The following FUBP3 variants were observed in gnomAD, a reference collection of about 807,000 sequenced individuals.
FUBP3 encodes far upstream element binding protein 3.
FUBP3 carries 28 observed loss-of-function variants against 85.6 expected under a neutral mutation model. The ratio of observed to expected loss-of-function variants is 0.33; its 90% CI spans 0.24 to 0.45. The LOEUF (loss-of-function observed/expected upper bound fraction) is 0.45, where lower values mean the gene tolerates loss of function less well. Among genes scored for constraint, FUBP3 ranks in the 20% least tolerant of loss-of-function variants. The pLI, the probability that FUBP3 is intolerant of heterozygous loss-of-function variation, is 1.00. For synonymous variants in FUBP3, 271 were observed against 271.4 expected, an observed-to-expected ratio of 1.00 and a Z score of 0.01; for missense variants, 583 against 755.1, an observed-to-expected ratio of 0.77 and a Z score of 2.67.
chr9:130,586,183 A>G (rs1280925111), intron 1 of FUBP3, among the ~76,000 whole-genome samples: 1 of 152,136 alleles, frequency 6.6e-6, no homozygotes, highest in East Asian at 1.9e-4. Context: ...CCAGATGGTT[A>G]CAAATCACTT....
chr9:130,586,544 C>G (rs181386850), intron 1 of FUBP3, among the ~76,000 whole-genome samples: 1 of 151,990 alleles, frequency 6.6e-6, no homozygotes, highest in African/African-American at 2.4e-5. Flanking sequence ...TGCCACCACA[C>G]CCAGCTAATA....
Position 130,612,405 on chromosome 9 carries a change from C to G in FUBP3, c.225-51C>G. The G allele has an allele frequency of 8.4e-7, 1 of 1,191,128 alleles. No individual in the cohort carries two copies. Among genetic ancestry groups the G allele is most frequent in the Non-Finnish European group, 1.2e-6 (1 of 805,074 alleles). The allele number at this position is 1,191,128 out of a possible 1,614,324, so 73.8% of individuals were successfully genotyped here. ...TGGGCAGTTTGGGGACCTAAAATGG[C>G]TGCAAAAGTCTGTATTCTGTATTTT... On this transcript the variant is annotated intron_variant, in intron 3 of 18. Coordinates refer to ENST00000319725, the MANE Select transcript of FUBP3 (RefSeq NM_003934.2). This position sits in a 1 kb window ranked among gnomAD's most constrained non-coding sequence, Gnocchi z 4.1.
At chr9:130,586,685 C>T (rs1830351006) in intron 1 of FUBP3, among the ~76,000 whole-genome samples, 1 of 150,986 alleles carries the variant, frequency 6.6e-6, no homozygotes, top group South Asian at 2.1e-4. Flanking sequence ...TTAGGAAGGA[C>T]TTGGTTCCTT....
At chr9:130,629,058 C>T (rs562010075) in intron 12 of FUBP3, among the ~76,000 whole-genome samples, 3 of 152,184 alleles carry the variant, frequency 2.0e-5, no homozygotes, top group Non-Finnish European at 4.4e-5. Context: ...CGTGAGCCAC[C>T]GCGCCTGGCC....
intron 11 of FUBP3, among the ~76,000 whole-genome samples, chr9:130,625,016 T>G (rs1412627250): frequency 2.6e-5 from 4 of 152,088 alleles, no homozygotes; most frequent in Admixed American, 2.0e-4. Flanking sequence ...GGTCAGGAGT[T>G]CAAGACCAAC....
chr9:130,587,833 C>A (rs544098998), intron 1 of FUBP3, among the ~76,000 whole-genome samples: 6 of 152,178 alleles, frequency 3.9e-5, no homozygotes, highest in Admixed American at 2.6e-4. Context: ...GACAGTGTAA[C>A]CAACATAACA....
At chr9:130,599,015 G>A (rs1293036069) in intron 2 of FUBP3, among the ~76,000 whole-genome samples, 6 of 152,116 alleles carry the variant, frequency 3.9e-5, no homozygotes, top group South Asian at 4.2e-4. Flanking sequence ...AAATAAGGCC[G>A]GGCACTGTGG....
chr9:130,595,074 A>G (rs546730496), intron 1 of FUBP3, among the ~76,000 whole-genome samples: 83 of 151,984 alleles, frequency 5.5e-4, no homozygotes, highest in African/African-American at 1.7e-3. Flanking sequence ...TGAAAATACA[A>G]AATTAGCTGG....
chr9:130,607,104 A>G (rs1316656682), intron 2 of FUBP3, among the ~76,000 whole-genome samples: 2 of 151,598 alleles, frequency 1.3e-5, no homozygotes, highest in African/African-American at 4.8e-5. Flanking sequence ...CTGGGATTAC[A>G]GATGTGCACC....
intron 11 of FUBP3, 157 bp from the exon 12 acceptor site, chr9:130,626,207 C>T (rs1219371304): frequency 1.4e-6 from 1 of 731,380 alleles, no homozygotes; most frequent in Admixed American, 2.8e-5. Flanking sequence ...TTAATTCTGG[C>T]TTGAAAGAGC....
rs1268922896 is a variant in FUBP3 at position 130,612,236 on chromosome 9, CAAAAG to C, written c.225-219_225-215del. On this transcript the variant is annotated intron_variant, in intron 3 of 18. Coordinates refer to ENST00000319725, the MANE Select transcript of FUBP3 (RefSeq NM_003934.2). The surrounding 1 kb of genome is among the most constrained non-coding windows in gnomAD (Gnocchi z 4.1). ...AAAACCCTGAGGTTTCTTCCTCTGA[CAAAAG>C]GAGATGAAAGGCTTAGATCTTTGGA... Among the ~76,000 whole-genome samples the C allele has an allele frequency of 6.6e-6, 1 of 152,126 alleles. No homozygotes were observed. The highest frequency in any genetic ancestry group is 1.5e-5 in the Non-Finnish European group (1 of 68,030).
At chr9:130,631,406 G>A (rs1588166442) in intron 13 of FUBP3, 151 bp from the exon 14 acceptor site, 2 of 1,303,214 alleles carry the variant, frequency 1.5e-6, no homozygotes, top group East Asian at 2.6e-5. Flanking sequence ...GCAGCCTGCT[G>A]TGGGAAGGAA....
At chr9:130,629,838 C>G (rs193133241) in intron 12 of FUBP3, among the ~76,000 whole-genome samples, 2 of 152,230 alleles carry the variant, frequency 1.3e-5, no homozygotes, top group African/African-American at 4.8e-5. Context: ...TAGCAACACT[C>G]CATCCCCCAC....
At position 130,626,382 on chromosome 9, in the gene FUBP3, G is replaced by C; in HGVS notation, c.994G>C (p.Gly332Arg). Reference sequence around the variant, plus strand: ...TTTCCAGGAAAGAGACGGCTTTGGAGGCCTGGCAGCAGCCAGAGGAAGAGG... The same window carrying C: ...TTTCCAGGAAAGAGACGGCTTTGGACGCCTGGCAGCAGCCAGAGGAAGAGG... ...LTAQERDGFG[G>R]LAAARGRGRG... is the part of the protein sequence containing the mutation. Residue 332 changes from glycine to arginine, a missense_variant, in exon 12 of 19, where the codon GGC becomes CGC. Gly to Arg is a moderately radical substitution (Grantham distance 125, BLOSUM62 -2). This residue lies in a region of FUBP3 where 404 missense variants were observed against 516.8 expected (regional missense o/e 0.78). Coordinates refer to ENST00000319725, the MANE Select transcript of FUBP3 (RefSeq NM_003934.2). 1 of 1,613,404 alleles carries C rather than the reference G, an allele frequency of 6.2e-7. No individual in the cohort carries two copies. Among genetic ancestry groups the C allele is most frequent in the Non-Finnish European group, 8.5e-7 (1 of 1,179,722 alleles).
intron 2 of FUBP3, among the ~76,000 whole-genome samples, chr9:130,596,087 G>A (rs749260230): frequency 2.6e-5 from 4 of 152,014 alleles, no homozygotes; most frequent in Non-Finnish European, 5.9e-5. Flanking sequence ...TCTTTAATTC[G>A]TTTATTTGTT....
intron 1 of FUBP3, among the ~76,000 whole-genome samples, chr9:130,589,599 C>T (rs1830492715): frequency 1.3e-5 from 2 of 148,936 alleles, no homozygotes; most frequent in African/African-American, 5.0e-5. Flanking sequence ...CAGCCTTGGC[C>T]TCCCAAAGTG....
At chr9:130,580,043 C>T (rs1488387698) in intron 1 of FUBP3, among the ~76,000 whole-genome samples, 1 of 152,232 alleles carries the variant, frequency 6.6e-6, no homozygotes, top group African/African-American at 2.4e-5. Context: ...AGCGGCCAGC[C>T]TGGACCCACA....
rs1831804629 is a variant in FUBP3, at chr9:130,612,636, C to CT, written c.274+134dup. On this transcript the variant is annotated intron_variant, in intron 4 of 18. Coordinates refer to ENST00000319725, the MANE Select transcript of FUBP3 (RefSeq NM_003934.2). This position sits in a 1 kb window ranked among gnomAD's most constrained non-coding sequence, Gnocchi z 4.1. ...TGTGAGTATCACCTGTAGTAGAATG[C>CT]TTTGCACATGCCATTCCCCACAGCT... is the stretch of plus-strand genomic sequence containing the variant. The CT allele has an allele frequency of 1.5e-5, 11 of 709,702 alleles. 1 individual carries two copies. The South Asian group carries it at 1.6e-4, about 10-fold the overall frequency. The allele number at this position is 709,702 out of a possible 1,614,324, so 44.0% of individuals were successfully genotyped here. A position where few individuals can be genotyped will look rare whatever the true frequency, so the allele number is the denominator to read the frequency against.
chr9:130,622,254 G>T (rs905742869), intron 9 of FUBP3, among the ~76,000 whole-genome samples: 2 of 151,384 alleles, frequency 1.3e-5, no homozygotes, highest in South Asian at 4.2e-4. Flanking sequence ...GAACCTCAGG[G>T]GTGGAGGTTG....
Sources: gnomAD v4.1 joint callset for allele counts (sites outside exome capture counted in the v4.1 genomes callset) on GRCh38, gnomAD v4.1.1 for gene constraint, gnomAD v4.1.1 regional missense constraint, Gnocchi (gnomAD v3.1) non-coding constraint, MANE v1.5 for transcripts, NCBI Gene and HGNC (gene_info 2026-07-23, HGNC 2026-07-21) for gene names.